The following KCTD8 variants were observed in gnomAD, a reference collection of about 807,000 sequenced individuals.
KCTD8 encodes BTB/POZ domain-containing protein KCTD8.
In KCTD8, 27 loss-of-function variants were observed where a neutral mutation model predicts 31.5. That is an observed-to-expected ratio of 0.86 (90% CI 0.63 to 1.18). KCTD8 has a LOEUF of 1.18. Among genes scored for constraint, KCTD8 ranks in the 50% most tolerant of loss-of-function variants. The pLI, the probability that KCTD8 is intolerant of heterozygous loss-of-function variation, is 0.00. For synonymous variants in KCTD8, 290 were observed against 280.0 expected, an observed-to-expected ratio of 1.04 and a Z score of -0.36; for missense variants, 658 against 647.7, an observed-to-expected ratio of 1.02 and a Z score of -0.17.
chr4:44,340,883 T>A (rs1372175856), intron 1 of KCTD8, among the ~76,000 whole-genome samples: 5 of 152,042 alleles, frequency 3.3e-5, no homozygotes, highest in Non-Finnish European at 5.9e-5. Context: ...AATTATCTGA[T>A]GTGATGATAT....
At chr4:44,412,952 G>C (rs1236333553) in intron 1 of KCTD8, among the ~76,000 whole-genome samples, 1 of 152,030 alleles carries the variant, frequency 6.6e-6, no homozygotes, top group African/African-American at 2.4e-5. Flanking sequence ...ACCTTAACAT[G>C]ATCATGTTTC....
chr4:44,414,283 T>C (rs16856898), intron 1 of KCTD8, among the ~76,000 whole-genome samples: 11,791 of 152,146 alleles, frequency 0.077, 1,271 homozygotes, highest in African/African-American at 0.25. Context: ...TGCTGATTAT[T>C]AGAAAAGTAT....
intron 1 of KCTD8, among the ~76,000 whole-genome samples, chr4:44,370,465 T>C (rs1475987156): frequency 6.6e-6 from 1 of 152,250 alleles, no homozygotes; most frequent in Non-Finnish European, 1.5e-5. Context: ...AGTCTACTGC[T>C]AAGTAGTGGC....
At chr4:44,349,071 G>GCCACCACCACCACCGCCA (rs1553902844) in intron 1 of KCTD8, among the ~76,000 whole-genome samples, 1 of 136,702 alleles carries the variant, frequency 7.3e-6, no homozygotes, top group Non-Finnish European at 1.6e-5. Context: ...CGCTGCCACC[G>GCCACCACCACCACCGCCA]CCACCACCAC....
intron 1 of KCTD8, among the ~76,000 whole-genome samples, chr4:44,177,519 G>A (rs1337728593): frequency 6.6e-6 from 1 of 152,148 alleles, no homozygotes; most frequent in African/African-American, 2.4e-5. Flanking sequence ...GGGACCCAGT[G>A]GGAGGTAATT....
intron 1 of KCTD8, among the ~76,000 whole-genome samples, chr4:44,259,056 T>C (rs1301021421): frequency 1.3e-5 from 2 of 151,996 alleles, no homozygotes; most frequent in African/African-American, 4.8e-5. Context: ...CCACAATTAA[T>C]TAACTGGGTT....
intron 1 of KCTD8, among the ~76,000 whole-genome samples, chr4:44,338,619 A>C (rs1718816274): frequency 6.6e-6 from 1 of 152,214 alleles, no homozygotes; most frequent in Admixed American, 6.5e-5. Context: ...GAGTGATACC[A>C]CACGTGTGGT....
chr4:44,277,547 C>G (rs1288179031), intron 1 of KCTD8, among the ~76,000 whole-genome samples: 1 of 151,716 alleles, frequency 6.6e-6, no homozygotes, highest in African/African-American at 2.4e-5. Flanking sequence ...TTCATTCATT[C>G]ATTCATTCAA....
chr4:44,383,845 T>C (rs927933111), intron 1 of KCTD8, among the ~76,000 whole-genome samples: 7 of 151,940 alleles, frequency 4.6e-5, no homozygotes, highest in African/African-American at 1.4e-4. Context: ...ACTAAAAACC[T>C]CTGCATAGCA....
intron 1 of KCTD8, among the ~76,000 whole-genome samples, chr4:44,326,692 A>G (rs1187665755): frequency 4.6e-5 from 7 of 151,778 alleles, no homozygotes; most frequent in Non-Finnish European, 1.0e-4. Context: ...TATGTACTAC[A>G]TATGTCCATG....
intron 1 of KCTD8, among the ~76,000 whole-genome samples, chr4:44,254,225 G>A (rs1010321908): frequency 6.6e-6 from 1 of 151,826 alleles, no homozygotes; most frequent in African/African-American, 2.4e-5. Context: ...AGAATCTAGA[G>A]GAAACATTTC....
At chr4:44,388,550 T>C (rs933871545) in intron 1 of KCTD8, among the ~76,000 whole-genome samples, 1 of 151,930 alleles carries the variant, frequency 6.6e-6, no homozygotes, top group African/African-American at 2.4e-5. Flanking sequence ...TCATGTCCTT[T>C]GCAGGGATAT....
At chr4:44,197,375 G>A (rs1024523349) in intron 1 of KCTD8, among the ~76,000 whole-genome samples, 2 of 152,102 alleles carry the variant, frequency 1.3e-5, no homozygotes, top group Admixed American at 1.3e-4. Flanking sequence ...TGCAGGAACA[G>A]CAACAGTAAT....
At chr4:44,258,136 C>T (rs1292238574) in intron 1 of KCTD8, among the ~76,000 whole-genome samples, 2 of 151,914 alleles carry the variant, frequency 1.3e-5, no homozygotes, top group Admixed American at 6.6e-5. Flanking sequence ...ATAGGAAAGA[C>T]AAGTCATGGT....
chr4:44,247,841 A>AT (rs1377581653), intron 1 of KCTD8, among the ~76,000 whole-genome samples: 1 of 151,706 alleles, frequency 6.6e-6, no homozygotes, highest in Non-Finnish European at 1.5e-5. Context: ...TATATCTCAC[A>AT]TTTTCATCCA....
chr4:44,339,468 A>C (rs995791217), intron 1 of KCTD8, among the ~76,000 whole-genome samples: 3 of 152,176 alleles, frequency 2.0e-5, no homozygotes, highest in African/African-American at 7.2e-5. Flanking sequence ...GGGTCGATTC[A>C]AATGATAAAA....
intron 1 of KCTD8, among the ~76,000 whole-genome samples, chr4:44,424,927 G>A (rs1179762955): frequency 2.0e-5 from 3 of 151,898 alleles, no homozygotes; most frequent in Non-Finnish European, 4.4e-5. Flanking sequence ...GACTGCATTT[G>A]GAAATAGGGT....
rs778189286 is a variant in KCTD8, at chr4:44,447,621, G to C, written c.903C>G (p.Phe301Leu). 3.7e-6 allele frequency: 6 copies of C among 1,605,576 alleles called. No homozygotes were observed. Among genetic ancestry groups the C allele is most frequent in the African/African-American group, 1.3e-5 (1 of 74,718 alleles). Residue 301 changes from phenylalanine (F) to leucine (L), a missense_variant, in exon 1 of 2, where the codon TTC becomes TTG. Physicochemically the swap from Phe to Leu is conservative, Grantham distance 22 (BLOSUM62 0). Coordinates refer to ENST00000360029, the MANE Select transcript of KCTD8 (RefSeq NM_198353.3). ...VACNSSGTAA[F>L]VNQYRDDKIW... Reference sequence around the variant, plus strand: ...TCTTGTCGTCGCGGTACTGGTTGACGAAGGCGGCGGTGCCCGAGGAGTTAC... The same window carrying C: ...TCTTGTCGTCGCGGTACTGGTTGACCAAGGCGGCGGTGCCCGAGGAGTTAC...
At chr4:44,275,698 G>A (rs1414395149) in intron 1 of KCTD8, among the ~76,000 whole-genome samples, 1 of 151,946 alleles carries the variant, frequency 6.6e-6, no homozygotes, top group Non-Finnish European at 1.5e-5. Context: ...TTTATTTCTT[G>A]TACATCGTGG....
Sources: gnomAD v4.1 joint callset for allele counts (sites outside exome capture counted in the v4.1 genomes callset) on GRCh38, gnomAD v4.1.1 for gene constraint, MANE v1.5 for transcripts, NCBI Gene and HGNC (gene_info 2026-07-23, HGNC 2026-07-21) for gene names.